Variants in METTL6 observed in about 807,000 individuals in gnomAD.
The protein encoded by METTL6 is methyltransferase 6, tRNA N3-cytidine, also known as tRNA N(3)-cytidine methyltransferase METTL6.
In METTL6, 22 loss-of-function variants were observed where a neutral mutation model predicts 26.4. The ratio of observed to expected loss-of-function variants is 0.83; its 90% CI spans 0.59 to 1.19. The LOEUF (loss-of-function observed/expected upper bound fraction) is 1.19, where lower values mean the gene tolerates loss of function less well. METTL6 is among the 50% of genes most tolerant of loss of function. The probability of loss-of-function intolerance (pLI) is 0.00; values close to 1 mark genes in which losing one functional copy is unlikely to be tolerated. For synonymous variants in METTL6, 109 were observed against 116.2 expected (o/e 0.94, Z 0.40); for missense variants, 304 against 324.8 (o/e 0.94, Z 0.49).
chr3:15,426,187 C>T, intron 2 of METTL6, 100 bp downstream of exon 2: 1 of 1,141,360 alleles, frequency 8.8e-7, no homozygotes, highest in Non-Finnish European at 1.3e-6. Flanking sequence ...GATCCGCCTG[C>T]CTTGGCCTCC....
chr3:15,417,104 C>T (rs1041160163), intron 3 of METTL6, among the ~76,000 whole-genome samples: 3 of 152,132 alleles, frequency 2.0e-5, no homozygotes, highest in South Asian at 2.1e-4. Context: ...TTCAAAGCTG[C>T]AGTGAGCTAT....
chr3:15,397,092 C>T (rs576436614), intron 6 of METTL6, among the ~76,000 whole-genome samples: 1 of 152,214 alleles, frequency 6.6e-6, no homozygotes, highest in Non-Finnish European at 1.5e-5. Context: ...GTGGAGTCTA[C>T]AGAGGCAGGC....
At chr3:15,402,549 C>A (rs1288427264) in intron 6 of METTL6, among the ~76,000 whole-genome samples, 1 of 151,924 alleles carries the variant, frequency 6.6e-6, no homozygotes, top group East Asian at 1.9e-4. Context: ...GCCTGGCCAA[C>A]ATGGTGAAAC....
intron 6 of METTL6, among the ~76,000 whole-genome samples, chr3:15,394,430 G>C (rs1699431186): frequency 6.6e-6 from 1 of 151,986 alleles, no homozygotes; most frequent in Admixed American, 6.6e-5. Flanking sequence ...CAATTTTGTT[G>C]ATCTTTTCAA....
intron 6 of METTL6, among the ~76,000 whole-genome samples, chr3:15,389,728 T>C (rs1433839975): frequency 6.6e-6 from 1 of 152,080 alleles, no homozygotes; most frequent in Non-Finnish European, 1.5e-5. Context: ...TTTGTATTTT[T>C]AGTAGAGATG....
intron 5 of METTL6, chr3:15,413,725 C>T: frequency 2.3e-6 from 3 of 1,321,272 alleles, no homozygotes; most frequent in Non-Finnish European, 2.0e-6. Flanking sequence ...ACTTGCCCTC[C>T]CTCTTATTCC....
chr3:15,424,299 C>G (rs978301526), intron 3 of METTL6, among the ~76,000 whole-genome samples: 1 of 152,210 alleles, frequency 6.6e-6, no homozygotes, highest in Non-Finnish European at 1.5e-5. Flanking sequence ...GACAGTCTTG[C>G]TCTGTCACCT....
downstream of METTL6, among the ~76,000 whole-genome samples, chr3:15,405,166 G>GA (rs1165074024): frequency 6.6e-6 from 1 of 151,522 alleles, no homozygotes; most frequent in Non-Finnish European, 1.5e-5. Context: ...TTACTCACAG[G>GA]AAAAAAAAAT....
At chr3:15,412,362 C>G (rs749734661) in intron 5 of METTL6, among the ~76,000 whole-genome samples, 3 of 152,214 alleles carry the variant, frequency 2.0e-5, no homozygotes, top group Non-Finnish European at 4.4e-5. Flanking sequence ...CTCCAGAGAA[C>G]GTGCTCTGAA....
At chr3:15,420,624 T>G (rs1266253510) in intron 3 of METTL6, among the ~76,000 whole-genome samples, 1 of 152,206 alleles carries the variant, frequency 6.6e-6, no homozygotes, top group Non-Finnish European at 1.5e-5. Flanking sequence ...TCCATGCATT[T>G]TATTTTACTT....
chr3:15,405,492 T>C (rs577814177), downstream of METTL6, among the ~76,000 whole-genome samples: 55 of 152,374 alleles, frequency 3.6e-4, no homozygotes, highest in South Asian at 3.7e-3. Flanking sequence ...ATTGATCTTA[T>C]GAGCTTTTAA....
At chr3:15,405,219 G>C (rs1337026752), downstream of METTL6, among the ~76,000 whole-genome samples, 1 of 152,200 alleles carries the variant, frequency 6.6e-6, no homozygotes, top group East Asian at 1.9e-4. Context: ...ATGCTCCCCA[G>C]TGTCCTGGGG....
rs762378688 is a variant in METTL6 at position 15,415,862 on chromosome 3, C to T, written c.441G>A (p.Pro147=). The change falls in exon 4 of 6, where the codon CCG becomes CCA. Residue 147 remains proline, a synonymous_variant. Transcript: ENST00000383790. ...ACATAACAACATCCACAGACTCTGG[C>T]GGTACATGATCCAGAAGATCATCTT... ...LTKDDLLDHV[P]PESVDVVMLI... The T allele has an allele frequency of 1.5e-5, 24 of 1,613,986 alleles. No individual in the cohort carries two copies. The highest frequency in any genetic ancestry group is 1.0e-4 in the Admixed American group (6 of 59,984).
At chr3:15,413,809 A>G in intron 5 of METTL6, 1 of 1,483,006 alleles carries the variant, frequency 6.7e-7, no homozygotes, top group Middle Eastern at 1.9e-4. Flanking sequence ...TAGGGGAGTC[A>G]CTGACACCAG....
chr3:15,384,165 G>T, exon 7 of METTL6: 1 of 383,686 alleles, frequency 2.6e-6, no homozygotes, highest in Non-Finnish European at 5.0e-6. Context: ...AAGAATCCCA[G>T]GTTCCAGACT....
In METTL6 at chr3:15,410,392, G is replaced by A. The variant is rs114016270; in HGVS notation, c.*864C>T. On this transcript the variant is annotated 3_prime_UTR_variant, in exon 6 of 6. Transcript: ENST00000383790. ...GGCTGGAGTGCAGTAGCGTGATCTC[G>A]ACTTACTGCAACCTCCACCTTCCAG... Among the ~76,000 whole-genome samples the A allele has an allele frequency of 0.071, 10,807 of 151,944 alleles. 490 individuals carry two copies. The highest frequency in any genetic ancestry group is 0.12 in the African/African-American group (5,109 of 41,404).
exon 7 of METTL6, chr3:15,383,378 T>A (rs1006284220): frequency 1.3e-5 from 2 of 151,836 alleles, no homozygotes; most frequent in African/African-American, 4.8e-5. Context: ...AATAATGAAT[T>A]TTTTAAATTA....
chr3:15,418,893 G>A (rs1390661666), intron 3 of METTL6, among the ~76,000 whole-genome samples: 1 of 152,032 alleles, frequency 6.6e-6, no homozygotes, highest in Non-Finnish European at 1.5e-5. Context: ...AGGAGTAAAG[G>A]ACTCCTAAAC....
chr3:15,393,674 A>G (rs1699409561), intron 6 of METTL6, among the ~76,000 whole-genome samples: 1 of 152,206 alleles, frequency 6.6e-6, no homozygotes. Context: ...ACGTCCCATC[A>G]GTACCTAATT....
Sources: gnomAD v4.1 joint callset for allele counts (sites outside exome capture counted in the v4.1 genomes callset) on GRCh38, gnomAD v4.1.1 for gene constraint, MANE v1.5 for transcripts, NCBI Gene and HGNC (gene_info 2026-07-23, HGNC 2026-07-21) for gene names.